Variants in ELOVL4 observed in about 807,000 individuals in gnomAD.
The protein encoded by ELOVL4 is very long chain fatty acid elongase 4.
Under a neutral mutation model 42.1 loss-of-function variants are expected in ELOVL4, and 18 were observed. The ratio of observed to expected loss-of-function variants is 0.43; its 90% CI spans 0.30 to 0.63. ELOVL4 has a LOEUF of 0.63. Among genes scored for constraint, ELOVL4 ranks in the 30% least tolerant of loss-of-function variants. The pLI is 0.15. For synonymous variants in ELOVL4, 117 were observed against 127.0 expected (o/e 0.92, Z 0.53); for missense variants, 299 against 376.2 (o/e 0.79, Z 1.70).
At chr6:79,940,596 C>G (rs990008714) in intron 1 of ELOVL4, among the ~76,000 whole-genome samples, 2 of 152,026 alleles carry the variant, frequency 1.3e-5, no homozygotes, top group Non-Finnish European at 2.9e-5. Flanking sequence ...AATATGAAGA[C>G]TGAGTTTAGA....
chr6:79,942,138 CA>C (rs1351812110), intron 1 of ELOVL4, among the ~76,000 whole-genome samples: 1 of 152,022 alleles, frequency 6.6e-6, no homozygotes, highest in African/African-American at 2.4e-5. Flanking sequence ...TAAAGGTGGA[CA>C]TGTACACATT....
chr6:79,929,062 A>G (rs1366283984), intron 1 of ELOVL4, among the ~76,000 whole-genome samples: 1 of 150,910 alleles, frequency 6.6e-6, no homozygotes, highest in African/African-American at 2.4e-5. Flanking sequence ...GGACCTTAGG[A>G]GCACAATCTA....
At chr6:79,942,012 A>G (rs1448663266) in intron 1 of ELOVL4, among the ~76,000 whole-genome samples, 2 of 152,240 alleles carry the variant, frequency 1.3e-5, no homozygotes, top group Admixed American at 6.5e-5. Flanking sequence ...AGGGTACCAT[A>G]AACAAGAAAG....
chr6:79,947,273 G>C lies in ELOVL4; in HGVS notation c.7C>G (p.Leu3Val), dbSNP rs774532691. Reference protein sequence around the residue: MGLLDSEPGSVLN... With the variant: MGVLDSEPGSVLN... The stretch of plus-strand genomic sequence containing the variant: ...ACACTACCCGGCTCCGAGTCCAGGA[G>C]CCCCATCGCGGCGATGAGCGGGCGC... The change falls in exon 1 of 6, where the codon CTC (leucine) becomes GTC (valine). Residue 3 changes from leucine (L) to valine (V), a missense_variant. By Grantham distance (32) the Leu-to-Val change is conservative. Coordinates refer to ENST00000369816, the MANE Select transcript of ELOVL4 (RefSeq NM_022726.4). The C allele has an allele frequency of 6.2e-7, 1 of 1,612,000 alleles. No individual in the cohort carries two copies. The highest frequency in any genetic ancestry group is 1.3e-5 in the African/African-American group (1 of 74,866).
chr6:79,925,153 C>T (rs1310067268), intron 2 of ELOVL4, 121 bp from the exon 3 acceptor site: 3 of 688,430 alleles, frequency 4.4e-6, no homozygotes, highest in Non-Finnish European at 5.0e-6. Flanking sequence ...TTAAAAATTT[C>T]AAATGCATTA....
At chr6:79,916,996 A>C (rs1774174722) in intron 5 of ELOVL4, 113 bp from the exon 6 acceptor site, 1 of 1,199,030 alleles carries the variant, frequency 8.3e-7, no homozygotes, top group Non-Finnish European at 1.2e-6. Context: ...CACACTGTGC[A>C]AAATTTATTG....
intron 5 of ELOVL4, among the ~76,000 whole-genome samples, chr6:79,918,786 A>G (rs1341421439): frequency 6.6e-6 from 1 of 152,206 alleles, no homozygotes; most frequent in Non-Finnish European, 1.5e-5. Flanking sequence ...GATTGCCACA[A>G]ACAGTCTTAC....
At chr6:79,945,960 A>T (rs561466933) in intron 1 of ELOVL4, among the ~76,000 whole-genome samples, 1 of 152,336 alleles carries the variant, frequency 6.6e-6, no homozygotes, top group South Asian at 2.1e-4. Flanking sequence ...CCAAATAATC[A>T]TTTTGTCTCT....
rs545941085 is a variant in ELOVL4 at position 79,932,367 on chromosome 6, CCT to C, written c.101-5988_101-5987del. ...ACCAGCCTGGCCAACATGGTGAAAC[CCT>C]GTCTCTACTAAAAATACAAAAAAAA... On this transcript the variant is annotated intron_variant, in intron 1 of 5. Transcript: ENST00000369816. 5.5e-4 allele frequency among the ~76,000 whole-genome samples: 83 copies of C among 151,984 alleles called. 1 individual carries two copies. In the South Asian group the frequency reaches 8.3e-3, roughly 15 times the overall value.
chr6:79,930,570 C>T (rs529024469), intron 1 of ELOVL4, among the ~76,000 whole-genome samples: 180 of 152,068 alleles, frequency 1.2e-3, no homozygotes, highest in Non-Finnish European at 2.3e-3. Context: ...TCATATGTTT[C>T]CTTTTCCACT....
chr6:79,927,450 T>G (rs1302883139), intron 1 of ELOVL4, among the ~76,000 whole-genome samples: 11 of 152,154 alleles, frequency 7.2e-5, no homozygotes, highest in Admixed American at 7.2e-4. Context: ...TTGATCATAA[T>G]AACTCCCTAT....
chr6:79,922,320 T>C (rs892140917), intron 3 of ELOVL4, among the ~76,000 whole-genome samples: 7 of 150,314 alleles, frequency 4.7e-5, no homozygotes, highest in Non-Finnish European at 8.9e-5. Context: ...ACAACATAAA[T>C]ATCCAATCAC....
At chr6:79,923,534 T>C (rs147646807) in intron 3 of ELOVL4, among the ~76,000 whole-genome samples, 1 of 152,184 alleles carries the variant, frequency 6.6e-6, no homozygotes, top group East Asian at 1.9e-4. Flanking sequence ...AAGTCAGCCC[T>C]CCAACTGAAG....
At chr6:79,919,826 G>A (rs906808037) in intron 4 of ELOVL4, among the ~76,000 whole-genome samples, 2 of 152,134 alleles carry the variant, frequency 1.3e-5, no homozygotes, top group Non-Finnish European at 2.9e-5. Context: ...GAGTACTCCA[G>A]TGAGCTTAAA....
chr6:79,923,691 T>C (rs1203903046), intron 3 of ELOVL4, among the ~76,000 whole-genome samples: 1 of 152,158 alleles, frequency 6.6e-6, no homozygotes, highest in Non-Finnish European at 1.5e-5. Context: ...TCACCCTCAC[T>C]AAAATGCCAG....
At chr6:79,939,144 G>A (rs2127701854) in intron 1 of ELOVL4, among the ~76,000 whole-genome samples, 1 of 152,108 alleles carries the variant, frequency 6.6e-6, no homozygotes, top group South Asian at 2.1e-4. Context: ...TAAGCCAACA[G>A]CTATATAGTC....
At chr6:79,928,727 G>GTTTT (rs34673896) in intron 1 of ELOVL4, among the ~76,000 whole-genome samples, 6,505 of 75,554 alleles carry the variant, frequency 0.086, 811 homozygotes, top group South Asian at 0.19. Context: ...TGGTGACTGG[G>GTTTT]TTTTTTTTTT....
At chr6:79,926,528 G>A in intron 1 of ELOVL4, 147 bp from the exon 2 acceptor site, 3 of 789,734 alleles carry the variant, frequency 3.8e-6, no homozygotes, top group East Asian at 2.7e-5. Context: ...AAAAATACAT[G>A]GTATAAAAAC....
At chr6:79,917,069 T>C (rs192104655) in intron 5 of ELOVL4, among the ~76,000 whole-genome samples, 186 bp from the exon 6 acceptor site, 263 of 152,314 alleles carry the variant, frequency 1.7e-3, no homozygotes, top group African/African-American at 5.9e-3. Context: ...CAGTAAGGAC[T>C]CTCTGACAAG....
Sources: allele counts gnomAD v4.1 joint callset (sites outside exome capture counted in the v4.1 genomes callset), GRCh38; gene constraint gnomAD v4.1.1; transcripts MANE v1.5; gene names NCBI Gene and HGNC (gene_info 2026-07-23, HGNC 2026-07-21).